MAP3K7CL: variants seen among roughly 807,000 people sequenced by gnomAD.
MAP3K7CL encodes MAP3K7 C-terminal like.
In MAP3K7CL, 16 loss-of-function variants were observed where a neutral mutation model predicts 18.6. The observed-to-expected ratio is 0.86, with a 90% CI of 0.58 to 1.31. The LOEUF is 1.31. Among genes scored for constraint, MAP3K7CL ranks in the 50% most tolerant of loss-of-function variants. The probability of loss-of-function intolerance (pLI) is 0.00; values close to 1 mark genes in which losing one functional copy is unlikely to be tolerated. For synonymous variants in MAP3K7CL, 65 were observed against 66.8 expected, an observed-to-expected ratio of 0.97 and a Z score of 0.13; for missense variants, 163 against 174.4, an observed-to-expected ratio of 0.93 and a Z score of 0.37.
At chr21:29,085,721 A>T (rs1411650338), upstream of MAP3K7CL, 21 of 752,356 alleles carry the variant, frequency 2.8e-5, no homozygotes, top group East Asian at 5.3e-4. Flanking sequence ...TGTATTTAAC[A>T]TTAATTGAAT....
chr21:29,149,275 T>C, intron 3 of MAP3K7CL, 25 bp downstream of exon 3: 1 of 1,603,722 alleles, frequency 6.2e-7, no homozygotes, highest in Non-Finnish European at 8.5e-7. Flanking sequence ...AAAGTCTCTC[T>C]TCTTTCCTCC....
upstream of MAP3K7CL, chr21:29,085,789 A>G: frequency 1.3e-6 from 2 of 1,502,648 alleles, no homozygotes; most frequent in Non-Finnish European, 1.9e-6. Context: ...TTGATGCAGA[A>G]TCATAACTCT....
At chr21:29,077,211 G>A (rs189928891), upstream of MAP3K7CL, among the ~76,000 whole-genome samples, 733 of 152,360 alleles carry the variant, frequency 4.8e-3, 7 homozygotes, top group African/African-American at 0.017. Context: ...CTCAGCCCTT[G>A]GGTGGTTGAT....
chr21:29,156,747 T>C (rs2087414152), intron 3 of MAP3K7CL, among the ~76,000 whole-genome samples: 1 of 152,240 alleles, frequency 6.6e-6, no homozygotes, highest in African/African-American at 2.4e-5. Context: ...AAAACCTGAA[T>C]ATCTTAATAC....
At chr21:29,139,943 T>G (rs1470426478) in intron 2 of MAP3K7CL, among the ~76,000 whole-genome samples, 1 of 142,212 alleles carries the variant, frequency 7.0e-6, no homozygotes, top group Admixed American at 7.5e-5. Context: ...GGGAACTCTG[T>G]AGGAAGTCAA....
chr21:29,143,194 A>AGCAG (rs2087046678), intron 2 of MAP3K7CL, among the ~76,000 whole-genome samples: 1 of 62,238 alleles, frequency 1.6e-5, no homozygotes, highest in African/African-American at 7.4e-5. Flanking sequence ...AAGACACTAT[A>AGCAG]GCATTAAATT....
chr21:29,174,635 T>C (rs960497236), intron 4 of MAP3K7CL, 77 bp from the exon 5 acceptor site: 7 of 1,498,528 alleles, frequency 4.7e-6, no homozygotes, highest in East Asian at 2.3e-5. Flanking sequence ...TCTACTTCCA[T>C]CATGCTATTA....
rs2087924251 is a variant in MAP3K7CL at position 29,174,717 on chromosome 21, A to G, written c.254A>G (p.Glu85Gly). ...EITLLEQRKK[E>G]LIAKLDQAEK... ...CCTTTACCCCGAATCTTCAGGAAGG[A>G]GCTCATTGCCAAGTTAGATCAGGCA... Residue 85 changes from glutamate to glycine, a missense_variant, in exon 5 of 5, where the codon GAG becomes GGG. Coordinates refer to ENST00000399928, the MANE Select transcript of MAP3K7CL (RefSeq NM_001286620.2). The G allele has an allele frequency of 6.2e-7, 1 of 1,614,104 alleles. No homozygotes were observed. Among genetic ancestry groups the G allele is most frequent in the Non-Finnish European group, 8.5e-7 (1 of 1,179,986 alleles).
chr21:29,162,663 A>T (rs1468045890), intron 4 of MAP3K7CL, among the ~76,000 whole-genome samples: 1 of 149,410 alleles, frequency 6.7e-6, no homozygotes, highest in Non-Finnish European at 1.5e-5. Context: ...AGCCTGGGCA[A>T]CAAGAGCAAA....
In MAP3K7CL at chr21:29,131,624, T is replaced by A. The variant is rs1481262625; in HGVS notation, c.-40+701T>A. 7 of 152,232 alleles carry A rather than the reference T, an allele frequency of 4.6e-5. No individual in the cohort carries two copies. In the East Asian group the frequency reaches 9.6e-4, roughly 21 times the overall value. The allele number at this position is 152,232 out of a possible 1,614,324, so 9.4% of individuals were successfully genotyped here. A position where few individuals can be genotyped will look rare whatever the true frequency, so the allele number is the denominator to read the frequency against. ...TTCTTTCTAACTTAGAATTACATGA[T>A]ATGGACAGTGGAGAGCTTTTTGGTG... On this transcript the variant is annotated intron_variant, in intron 1 of 4. Coordinates refer to ENST00000399928, the MANE Select transcript of MAP3K7CL (RefSeq NM_001286620.2).
At chr21:29,139,540 C>T (rs1054746135) in intron 2 of MAP3K7CL, among the ~76,000 whole-genome samples, 5 of 152,132 alleles carry the variant, frequency 3.3e-5, no homozygotes, top group African/African-American at 1.2e-4. Context: ...TGCAAAACCT[C>T]ATCTGCACTA....
intron 4 of MAP3K7CL, among the ~76,000 whole-genome samples, chr21:29,167,020 G>A (rs1403773022): frequency 6.6e-6 from 1 of 152,202 alleles, no homozygotes. Context: ...ATTCTTGCCA[G>A]CAGTGTATCA....
chr21:29,121,233 C>T (rs1253640443), intron 4 of MAP3K7CL, among the ~76,000 whole-genome samples: 1 of 151,824 alleles, frequency 6.6e-6, no homozygotes, highest in African/African-American at 2.4e-5. Context: ...AAAAGGTCTT[C>T]CCTTCATGGG....
chr21:29,127,075 C>G (rs2086693995), upstream of MAP3K7CL, among the ~76,000 whole-genome samples: 1 of 152,154 alleles, frequency 6.6e-6, no homozygotes, highest in South Asian at 2.1e-4. Context: ...TAATCAGGTA[C>G]TTTTGAGAAA....
chr21:29,173,580 G>A (rs2087893989), intron 4 of MAP3K7CL, among the ~76,000 whole-genome samples: 1 of 152,172 alleles, frequency 6.6e-6, no homozygotes, highest in Non-Finnish European at 1.5e-5. Flanking sequence ...TAAGGCAAAG[G>A]AGAATTCAGT....
upstream of MAP3K7CL, among the ~76,000 whole-genome samples, chr21:29,085,322 G>A (rs75570374): frequency 6.6e-6 from 1 of 152,138 alleles, no homozygotes; most frequent in Non-Finnish European, 1.5e-5. Flanking sequence ...AGGCTTTTAG[G>A]TGAAACCATT....
chr21:29,147,513 T>TCTGTA (rs2087160423), intron 2 of MAP3K7CL, among the ~76,000 whole-genome samples: 1 of 151,938 alleles, frequency 6.6e-6, no homozygotes, highest in Non-Finnish European at 1.5e-5. Flanking sequence ...TGTATATGCA[T>TCTGTA]CTGTACTGTA....
chr21:29,159,870 A>G, intron 3 of MAP3K7CL, 71 bp from the exon 4 acceptor site: 1 of 1,209,132 alleles, frequency 8.3e-7, no homozygotes, highest in Admixed American at 2.0e-5. Context: ...AAAGAACATC[A>G]GCGAGCAAAA....
At chr21:29,161,561 A>G (rs1241576165) in intron 4 of MAP3K7CL, among the ~76,000 whole-genome samples, 1 of 152,170 alleles carries the variant, frequency 6.6e-6, no homozygotes, top group Non-Finnish European at 1.5e-5. Context: ...TAATATAGAT[A>G]TGAAATTTCA....
Sources: gnomAD v4.1 joint callset for allele counts (sites outside exome capture counted in the v4.1 genomes callset) on GRCh38, gnomAD v4.1.1 for gene constraint, MANE v1.5 for transcripts, NCBI Gene and HGNC (gene_info 2026-07-23, HGNC 2026-07-21) for gene names.